ATP11C: variants seen among roughly 807,000 people sequenced by gnomAD.
ATP11C encodes the protein ATPase phospholipid transporting 11C (ATP11C blood group).
In ATP11C, 36 loss-of-function variants were observed where a neutral mutation model predicts 97.4. The ratio of observed to expected loss-of-function variants is 0.37; its 90% CI spans 0.28 to 0.49. The LOEUF is 0.49. ATP11C is among the 20% of genes least tolerant of loss of function. The pLI is 0.98. For synonymous variants in ATP11C, 275 were observed against 290.9 expected (o/e 0.95, Z 0.56); for missense variants, 730 against 824.6 (o/e 0.89, Z 1.40).
chrX:139,817,041 C>T lies in ATP11C; in HGVS notation c.238-98G>A, dbSNP rs1327053051. On this transcript the variant is annotated intron_variant, in intron 3 of 29. Coordinates refer to ENST00000682941, the MANE Select transcript of ATP11C (RefSeq NM_001353812.2). ...CAAACATTTCAAACAGAAACATAGA[C>T]AAAACACTTTCCAGTAGTAGGGTAA... is the stretch of plus-strand genomic sequence containing the variant. 4 of 469,422 alleles carry T rather than the reference C, an allele frequency of 8.5e-6. No individual in the cohort carries two copies. The African/African-American group carries it at 1.0e-4, about 12-fold the overall frequency. 38.7% of individuals were successfully genotyped at this position (469,422 alleles called of 1,213,427 possible).
chrX:139,741,187 T>A, intron 26 of ATP11C, 93 bp from the exon 27 acceptor site: 1 of 539,235 alleles, frequency 1.9e-6, no homozygotes, highest in South Asian at 3.0e-5. Flanking sequence ...CAATGATACC[T>A]ATGAAAGGAT....
At chrX:139,861,779 C>T (rs1603404437) in intron 1 of ATP11C, among the ~76,000 whole-genome samples, 2 of 110,854 alleles carry the variant, frequency 1.8e-5, no homozygotes, top group East Asian at 2.8e-4. Flanking sequence ...TACACACACA[C>T]ACACACACAC....
Position 139,782,531 on chromosome X carries a change from A to C in ATP11C, c.1952+16T>G. The stretch of plus-strand genomic sequence containing the variant: ...CACTGGTCATTAAAATAATAAGAGT[A>C]TCATTTTCTAGTTACTTGTCTTCAA... On this transcript the variant is annotated intron_variant, in intron 18 of 29. Coordinates refer to ENST00000682941, the MANE Select transcript of ATP11C (RefSeq NM_001353812.2). 8.7e-7 allele frequency: 1 copy of C among 1,148,018 alleles called. No homozygotes were observed. The highest frequency in any genetic ancestry group is 1.2e-6 in the Non-Finnish European group (1 of 846,150). The allele number at this position is 1,148,018 out of a possible 1,213,427, so 94.6% of individuals were successfully genotyped here.
chrX:139,856,094 C>T (rs67042651), intron 1 of ATP11C, among the ~76,000 whole-genome samples: 15 of 112,672 alleles, frequency 1.3e-4, no homozygotes, highest in African/African-American at 3.2e-4. Flanking sequence ...TCCGACCACA[C>T]GTTTAACAAA....
At position 139,738,075 on chromosome X, in the gene ATP11C, G is replaced by T; in HGVS notation, c.3135-6C>A. ...TCTGTTGCTTGAGAAAAGGCCTGCAGTGGAAAGAAAATACATGATGGAAAA... is the reference window on the plus strand; with the variant it reads ...TCTGTTGCTTGAGAAAAGGCCTGCATTGGAAAGAAAATACATGATGGAAAA... On this transcript the variant is annotated splice_polypyrimidine_tract_variant and splice_region_variant and intron_variant, in intron 27 of 29. Coordinates refer to ENST00000682941, the MANE Select transcript of ATP11C (RefSeq NM_001353812.2). 1 of 1,180,329 alleles carries T rather than the reference G, an allele frequency of 8.5e-7. No homozygotes were observed. The highest frequency in any genetic ancestry group is 1.1e-6 in the Non-Finnish European group (1 of 878,867).
intron 1 of ATP11C, among the ~76,000 whole-genome samples, chrX:139,923,943 A>T (rs1411204912): frequency 8.9e-6 from 1 of 112,037 alleles, no homozygotes; most frequent in Non-Finnish European, 1.9e-5. Flanking sequence ...TTGCCATAAA[A>T]TTCATTGCTC....
chrX:139,880,360 T>C (rs770830776), intron 1 of ATP11C, among the ~76,000 whole-genome samples: 3 of 111,958 alleles, frequency 2.7e-5, no homozygotes, highest in Non-Finnish European at 5.6e-5. Context: ...ATTCAAATAC[T>C]ACTTTCCCCT....
At chrX:139,921,991 G>A (rs1229408421) in intron 1 of ATP11C, among the ~76,000 whole-genome samples, 7 of 108,363 alleles carry the variant, frequency 6.5e-5, no homozygotes, top group Admixed American at 2.0e-4. Flanking sequence ...GATCACTTGA[G>A]GTCAGGAGTT....
At chrX:139,867,785 T>G (rs2084309704) in intron 1 of ATP11C, among the ~76,000 whole-genome samples, 1 of 110,300 alleles carries the variant, frequency 9.1e-6, no homozygotes, top group Non-Finnish European at 1.9e-5. Flanking sequence ...CCACAAGGAG[T>G]TCACCTATTG....
chrX:139,886,915 AAG>A (rs1242465929), intron 1 of ATP11C, among the ~76,000 whole-genome samples: 1 of 111,962 alleles, frequency 8.9e-6, no homozygotes, highest in Non-Finnish European at 1.9e-5. Context: ...TAAAAAAAAA[AAG>A]AAACTTGGAG....
intron 1 of ATP11C, among the ~76,000 whole-genome samples, chrX:139,925,888 T>C (rs2085343957): frequency 9.0e-6 from 1 of 111,691 alleles, no homozygotes; most frequent in Non-Finnish European, 1.9e-5. Context: ...TCCATTATCA[T>C]TTATAAATCA....
At chrX:139,832,297 A>G in intron 1 of ATP11C, 1 of 1,139,552 alleles carries the variant, frequency 8.8e-7, no homozygotes, top group Admixed American at 2.8e-5. Context: ...AAAGTTTCCC[A>G]GAACTTGGGA....
intron 18 of ATP11C, among the ~76,000 whole-genome samples, chrX:139,778,920 A>G (rs2082400498): frequency 8.9e-6 from 1 of 111,931 alleles, no homozygotes; most frequent in Admixed American, 9.5e-5. Context: ...ATAGAAGACA[A>G]AAAGGAGCAG....
At chrX:139,788,730 G>C (rs745512360) in intron 13 of ATP11C, among the ~76,000 whole-genome samples, 1 of 112,080 alleles carries the variant, frequency 8.9e-6, no homozygotes, top group East Asian at 2.8e-4. Context: ...CATTTGAACA[G>C]ACATCATTCT....
intron 1 of ATP11C, among the ~76,000 whole-genome samples, chrX:139,922,423 G>A (rs1008648836): frequency 9.4e-6 from 1 of 106,597 alleles, no homozygotes; most frequent in Non-Finnish European, 1.9e-5. Context: ...TACAGCAAAC[G>A]TAAGGCATTG....
chrX:139,877,702 T>C (rs1436811907), intron 1 of ATP11C, among the ~76,000 whole-genome samples: 1 of 112,585 alleles, frequency 8.9e-6, no homozygotes, highest in Admixed American at 9.4e-5. Flanking sequence ...AGAACTATTA[T>C]CTTTCTTAAT....
intron 1 of ATP11C, among the ~76,000 whole-genome samples, chrX:139,868,331 AAACAATC>A (rs2084316983): frequency 8.9e-6 from 1 of 111,746 alleles, no homozygotes; most frequent in Non-Finnish European, 1.9e-5. Flanking sequence ...ACAGCAAAGA[AAACAATC>A]AACAGAACGA....
chrX:139,888,322 G>A lies in ATP11C; in HGVS notation c.27+43694C>T, dbSNP rs773710516. On this transcript the variant is annotated intron_variant, in intron 1 of 29. Coordinates refer to ENST00000682941, the MANE Select transcript of ATP11C (RefSeq NM_001353812.2). The stretch of plus-strand genomic sequence containing the variant: ...CTAATTTTTGTATTTTTGTAGAGAC[G>A]GGGTTTCACCATGTTGGCCAGGCTG... 1.0e-4 allele frequency among the ~76,000 whole-genome samples: 11 copies of A among 109,536 alleles called. No individual in the cohort carries two copies. The East Asian group carries it at 2.1e-3, about 21-fold the overall frequency.
At chrX:139,922,237 TATATATATATATATATATATATATA>T in intron 1 of ATP11C, among the ~76,000 whole-genome samples, 1 of 57,480 alleles carries the variant, frequency 1.7e-5, no homozygotes, top group African/African-American at 1.2e-4. Flanking sequence ...TATATATATA[TATATATATATATATATATATATATA>T]TATATATGCA....
Sources: gnomAD v4.1 joint callset for allele counts (sites outside exome capture counted in the v4.1 genomes callset) on GRCh38, gnomAD v4.1.1 for gene constraint, MANE v1.5 for transcripts, NCBI Gene and HGNC (gene_info 2026-07-23, HGNC 2026-07-21) for gene names.